Variants in PGM1 observed in about 807,000 individuals in gnomAD.
PGM1 encodes the protein phosphoglucomutase 1.
PGM1 carries 52 observed loss-of-function variants against 55.6 expected under a neutral mutation model. The ratio of observed to expected loss-of-function variants is 0.94; its 90% CI spans 0.75 to 1.18. PGM1 has a LOEUF of 1.18. Ranked by LOEUF, PGM1 falls within the 50% of genes most tolerant of loss-of-function variation. The pLI, the probability that PGM1 is intolerant of heterozygous loss-of-function variation, is 0.00. For synonymous variants in PGM1, 287 were observed against 271.7 expected (o/e 1.06, Z -0.55); for missense variants, 724 against 729.3 (o/e 0.99, Z 0.08).
intron 1 of PGM1, among the ~76,000 whole-genome samples, chr1:63,624,537 G>A (rs1388589270): frequency 6.6e-6 from 1 of 152,190 alleles, no homozygotes; most frequent in Non-Finnish European, 1.5e-5. Context: ...CCAGGAAGGT[G>A]GGCATCAGGA....
chr1:63,621,593 C>A (rs748603567), intron 1 of PGM1, among the ~76,000 whole-genome samples: 10 of 152,232 alleles, frequency 6.6e-5, no homozygotes, highest in Admixed American at 1.3e-4. Context: ...ATTTATAGTA[C>A]GTTGAAAAAC....
At chr1:63,656,683 A>G (rs1649978777) in intron 10 of PGM1, among the ~76,000 whole-genome samples, 1 of 152,114 alleles carries the variant, frequency 6.6e-6, no homozygotes, top group South Asian at 2.1e-4. Flanking sequence ...TTGCAATAAC[A>G]TGGATGAACC....
chr1:63,651,894 G>C (rs989555086), intron 9 of PGM1, 42 bp downstream of exon 9: 1 of 1,541,194 alleles, frequency 6.5e-7, no homozygotes, highest in South Asian at 1.1e-5. Flanking sequence ...AGACCTCAGA[G>C]CTTCATCTCT....
intron 1 of PGM1, among the ~76,000 whole-genome samples, chr1:63,626,716 T>C (rs1649027458): frequency 6.6e-6 from 1 of 152,222 alleles, no homozygotes; most frequent in African/African-American, 2.4e-5. Context: ...TTAAAAAGTT[T>C]TAGTTGTGGT....
intron 1 of PGM1, among the ~76,000 whole-genome samples, chr1:63,606,824 G>A (rs746270151): frequency 5.9e-5 from 9 of 152,174 alleles, no homozygotes; most frequent in Admixed American, 2.0e-4. Flanking sequence ...AAGTGGTAGT[G>A]TTACAGAGAG....
At chr1:63,594,201 A>G (rs920132814) in intron 1 of PGM1, 15 of 884,664 alleles carry the variant, frequency 1.7e-5, no homozygotes, top group Non-Finnish European at 1.9e-5. Context: ...CTCCTCTGCT[A>G]TTCTCGGCTA....
chr1:63,633,741 C>A (rs2100985785), intron 4 of PGM1, among the ~76,000 whole-genome samples: 1 of 150,734 alleles, frequency 6.6e-6, no homozygotes, highest in Non-Finnish European at 1.5e-5. Context: ...AATCTCAGCT[C>A]ACTGTAACCT....
At chr1:63,642,809 A>G (rs990200515) in intron 7 of PGM1, among the ~76,000 whole-genome samples, 1 of 152,202 alleles carries the variant, frequency 6.6e-6, no homozygotes, top group Admixed American at 6.5e-5. Context: ...AACACTTTGC[A>G]AATTTCTTTT....
intron 1 of PGM1, chr1:63,623,634 C>G: frequency 6.2e-7 from 1 of 1,612,562 alleles, no homozygotes; most frequent in Non-Finnish European, 8.5e-7. Flanking sequence ...AGAATTTCAT[C>G]CAGAGTATAT....
rs567768781 is a variant in PGM1 at position 63,608,171 on chromosome 1, C to A, written c.246+14437C>A. Among the ~76,000 whole-genome samples the A allele has an allele frequency of 9.2e-5, 14 of 152,306 alleles. No homozygotes were observed. In the East Asian group the frequency reaches 2.1e-3, roughly 23 times the overall value. On this transcript the variant is annotated intron_variant, in intron 1 of 10. Coordinates refer to ENST00000371084, the MANE Select transcript of PGM1 (RefSeq NM_002633.3). ...TGGCATAACTGTTTAAAGGGAGTTA[C>A]TGTATTTTATACTGTTCAAGCACAT...
intron 1 of PGM1, among the ~76,000 whole-genome samples, chr1:63,626,517 C>G (rs1358496655): frequency 1.3e-5 from 2 of 151,972 alleles, no homozygotes; most frequent in Admixed American, 6.6e-5. Flanking sequence ...TGATGTTTTC[C>G]AGCCTTATCC....
At chr1:63,621,829 C>A (rs904800320) in intron 1 of PGM1, among the ~76,000 whole-genome samples, 5 of 152,226 alleles carry the variant, frequency 3.3e-5, no homozygotes, top group Non-Finnish European at 5.9e-5. Context: ...TGAAGGGGCT[C>A]CCTTGCCAGT....
intron 5 of PGM1, 41 bp downstream of exon 5, chr1:63,635,060 G>C (rs376600104): frequency 2.6e-6 from 4 of 1,552,926 alleles, no homozygotes; most frequent in African/African-American, 1.4e-5. Flanking sequence ...GTGCAGGCCA[G>C]GCCTGATCCT....
At chr1:63,603,457 G>A (rs1648298429) in intron 1 of PGM1, among the ~76,000 whole-genome samples, 1 of 152,192 alleles carries the variant, frequency 6.6e-6, no homozygotes, top group African/African-American at 2.4e-5. Flanking sequence ...CCAGTTTCTG[G>A]AATCACAATG....
chr1:63,655,539 G>T (rs747721877), intron 10 of PGM1, among the ~76,000 whole-genome samples: 2 of 152,210 alleles, frequency 1.3e-5, no homozygotes, highest in Non-Finnish European at 1.5e-5. Flanking sequence ...TGGGAGCAAA[G>T]GGTGGGACAG....
rs766817670 is a variant in PGM1 at position 63,630,026 on chromosome 1, T to C, written c.494T>C (p.Val165Ala). The change falls in exon 3 of 11, where the codon GTA becomes GCA. Residue 165 changes from valine to alanine, a missense_variant. Around this residue, in one of 3 missense-constraint regions of PGM1, gnomAD observed 379 missense variants for 357.5 expected, o/e 1.06. Coordinates refer to ENST00000371084, the MANE Select transcript of PGM1 (RefSeq NM_002633.3). Reference sequence around the variant, plus strand: ...TATGCAGTTTGCCCTGACCTGAAAGTAGACCTTGGTGTTCTGGGAAAGCAG... The same window carrying C: ...TATGCAGTTTGCCCTGACCTGAAAGCAGACCTTGGTGTTCTGGGAAAGCAG... ...EEYAVCPDLK[V>A]DLGVLGKQQF... The C allele has an allele frequency of 2.0e-5, 32 of 1,613,912 alleles. No individual in the cohort carries two copies. Among genetic ancestry groups the C allele is most frequent in the Non-Finnish European group, 2.4e-5 (28 of 1,179,888 alleles).
At chr1:63,607,867 C>A (rs867003288) in intron 1 of PGM1, among the ~76,000 whole-genome samples, 1 of 152,094 alleles carries the variant, frequency 6.6e-6, no homozygotes, top group Non-Finnish European at 1.5e-5. Context: ...TATAGTCATG[C>A]CTCATTTTTC....
Position 63,593,479 on chromosome 1 carries a change from AGTCGCCACCATGGTGAAGATC to A in PGM1, c.-7_14del. ...TCCGCCGCTCTGACCCCCGGCAGCA[AGTCGCCACCATGGTGAAGATC>A]GTGACAGTTAAGACCCAGGCGTACC... On this transcript the variant is annotated start_lost and 5_prime_UTR_variant, in exon 1 of 11. Coordinates refer to ENST00000371084, the MANE Select transcript of PGM1 (RefSeq NM_002633.3). 6.2e-7 allele frequency: 1 copy of A among 1,613,488 alleles called. No homozygotes were observed. Among genetic ancestry groups the A allele is most frequent in the Non-Finnish European group, 8.5e-7 (1 of 1,179,838 alleles).
intron 7 of PGM1, 88 bp from the exon 8 acceptor site, chr1:63,648,429 G>A: frequency 7.0e-7 from 1 of 1,431,764 alleles, no homozygotes; most frequent in Non-Finnish European, 9.8e-7. Flanking sequence ...AGATTTGGGT[G>A]GGGATGCAGA....
Sources: gnomAD v4.1 joint callset for allele counts (sites outside exome capture counted in the v4.1 genomes callset) on GRCh38, gnomAD v4.1.1 for gene constraint, gnomAD v4.1.1 regional missense constraint, MANE v1.5 for transcripts, NCBI Gene and HGNC (gene_info 2026-07-23, HGNC 2026-07-21) for gene names.